PRELID2: variants seen among roughly 807,000 people sequenced by gnomAD.
The protein encoded by PRELID2 is PRELI domain-containing protein 2.
PRELID2 carries 25 observed loss-of-function variants against 28.4 expected under a neutral mutation model. That is an observed-to-expected ratio of 0.88 (90% CI 0.64 to 1.23). PRELID2 has a LOEUF of 1.23. Among genes scored for constraint, PRELID2 ranks in the 50% most tolerant of loss-of-function variants. The pLI is 0.00. For missense variants in PRELID2, 201 were observed against 214.4 expected (o/e 0.94, Z 0.39); for synonymous variants, 76 against 71.6 (o/e 1.06, Z -0.31).
chr5:145,497,236 C>T (rs1308165547), intron 1 of PRELID2, among the ~76,000 whole-genome samples: 1 of 152,146 alleles, frequency 6.6e-6, no homozygotes. Flanking sequence ...CCGTTCCAGT[C>T]ATCCACTGTG....
chr5:145,550,086 G>T (rs1752821877), intron 1 of PRELID2, among the ~76,000 whole-genome samples: 1 of 152,122 alleles, frequency 6.6e-6, no homozygotes, highest in Non-Finnish European at 1.5e-5. Context: ...TATGAGCAGG[G>T]TTTAGGCAAA....
chr5:145,418,555 C>T, the PRELID2 span, among the ~76,000 whole-genome samples: 1 of 152,026 alleles, frequency 6.6e-6, no homozygotes, highest in Non-Finnish European at 1.5e-5. Context: ...GATGCATAGA[C>T]CAATGGAAAA....
chr5:145,308,648 A>G, the PRELID2 span, among the ~76,000 whole-genome samples: 1 of 152,008 alleles, frequency 6.6e-6, no homozygotes, highest in South Asian at 2.1e-4. Context: ...AATACAATGC[A>G]TTCTTCTTTC....
intron 1 of PRELID2, among the ~76,000 whole-genome samples, chr5:145,732,382 G>A (rs1375243903): frequency 1.3e-5 from 2 of 152,200 alleles, no homozygotes; most frequent in Non-Finnish European, 2.9e-5. Context: ...GCTAGAGGTG[G>A]AAGAGTTCAT....
the PRELID2 span, among the ~76,000 whole-genome samples, chr5:145,321,594 C>G: frequency 6.6e-6 from 1 of 152,188 alleles, no homozygotes; most frequent in Admixed American, 6.5e-5. Flanking sequence ...TCTTCACTTG[C>G]CCGCAAGCAC....
chr5:145,696,838 C>T (rs1755279311), intron 1 of PRELID2, among the ~76,000 whole-genome samples: 1 of 151,586 alleles, frequency 6.6e-6, no homozygotes, highest in South Asian at 2.1e-4. Flanking sequence ...CAAGACTCAT[C>T]AATAAAAGAA....
At chr5:145,358,505 C>T in the PRELID2 span, among the ~76,000 whole-genome samples, 1 of 152,022 alleles carries the variant, frequency 6.6e-6, no homozygotes, top group Non-Finnish European at 1.5e-5. Context: ...GACTGCTGGG[C>T]CAGAGCCACA....
At chr5:145,632,873 T>C (rs1308642547) in intron 1 of PRELID2, among the ~76,000 whole-genome samples, 1 of 152,198 alleles carries the variant, frequency 6.6e-6, no homozygotes, top group Non-Finnish European at 1.5e-5. Flanking sequence ...GGGCCTGACC[T>C]AATTAGGCAA....
At chr5:145,480,916 G>A (rs1752153244) in intron 1 of PRELID2, among the ~76,000 whole-genome samples, 1 of 152,118 alleles carries the variant, frequency 6.6e-6, no homozygotes, top group Non-Finnish European at 1.5e-5. Context: ...AATAGAAATG[G>A]AAATGTTTTA....
At chr5:145,685,771 G>A (rs755644446) in intron 1 of PRELID2, among the ~76,000 whole-genome samples, 5 of 152,142 alleles carry the variant, frequency 3.3e-5, no homozygotes, top group Non-Finnish European at 7.4e-5. Context: ...GTAGAAAGCC[G>A]CTGACCCACA....
chr5:145,810,117 A>G (rs1753826984), intron 4 of PRELID2, among the ~76,000 whole-genome samples: 1 of 152,190 alleles, frequency 6.6e-6, no homozygotes, highest in South Asian at 2.1e-4. Flanking sequence ...GAAAAGTCTA[A>G]AACAATACAC....
the PRELID2 span, chr5:145,229,620 C>T: frequency 1.3e-4 from 134 of 1,057,142 alleles, no homozygotes; most frequent in East Asian, 3.0e-3. Flanking sequence ...TTATTGCCAT[C>T]GTGGAGAACA....
the PRELID2 span, among the ~76,000 whole-genome samples, chr5:145,319,351 T>C: frequency 3.7e-4 from 57 of 152,180 alleles, no homozygotes; most frequent in Admixed American, 3.3e-3. Flanking sequence ...TCTCAAGTAA[T>C]GCATAGTTGT....
At chr5:145,425,019 T>C in the PRELID2 span, among the ~76,000 whole-genome samples, 1 of 151,610 alleles carries the variant, frequency 6.6e-6, no homozygotes, top group Non-Finnish European at 1.5e-5. Context: ...TCTATCCATT[T>C]AACAAAAATC....
the PRELID2 span, among the ~76,000 whole-genome samples, chr5:145,247,665 T>C: frequency 7.9e-5 from 12 of 152,196 alleles, no homozygotes; most frequent in Admixed American, 4.6e-4. Context: ...GAGAAGTCCC[T>C]GGGCAAAGCA....
At chr5:145,649,293 G>C (rs1165262932) in intron 1 of PRELID2, among the ~76,000 whole-genome samples, 1 of 152,124 alleles carries the variant, frequency 6.6e-6, no homozygotes, top group South Asian at 2.1e-4. Context: ...TTGCAGTGGA[G>C]GGGCGGGATC....
the PRELID2 span, among the ~76,000 whole-genome samples, chr5:145,323,402 T>C: frequency 1.1e-4 from 17 of 152,266 alleles, no homozygotes; most frequent in Non-Finnish European, 2.1e-4. Flanking sequence ...GCAGGGAAGA[T>C]ATGTGATCAG....
intron 1 of PRELID2, among the ~76,000 whole-genome samples, chr5:145,552,437 C>T (rs532466461): frequency 8.5e-5 from 13 of 152,148 alleles, no homozygotes; most frequent in East Asian, 3.9e-4. Context: ...TTTAGGGATA[C>T]GTCTGGTCTA....
intron 1 of PRELID2, among the ~76,000 whole-genome samples, chr5:145,518,122 C>A (rs1167463699): frequency 2.8e-5 from 4 of 141,594 alleles, no homozygotes. Context: ...CAAATGTGTC[C>A]CAGAACTTGA....
Sources: gnomAD v4.1 joint callset for allele counts (sites outside exome capture counted in the v4.1 genomes callset) on GRCh38, gnomAD v4.1.1 for gene constraint, MANE v1.5 for transcripts, NCBI Gene and HGNC (gene_info 2026-07-23, HGNC 2026-07-21) for gene names.